The following ORC4 variants were observed in gnomAD, a reference collection of about 807,000 sequenced individuals.
ORC4 encodes origin recognition complex, subunit 4 homolog.
Under a neutral mutation model 63.9 loss-of-function variants are expected in ORC4, and 55 were observed. The ratio of observed to expected loss-of-function variants is 0.86; its 90% CI spans 0.69 to 1.08. The LOEUF is 1.08. Ranked by LOEUF, ORC4 falls within the 50% of genes least tolerant of loss-of-function variation. The probability of loss-of-function intolerance (pLI) is 0.00; values close to 1 mark genes in which losing one functional copy is unlikely to be tolerated. For missense variants in ORC4, 511 were observed against 504.4 expected, an observed-to-expected ratio of 1.01 and a Z score of -0.13; for synonymous variants, 150 against 168.5, an observed-to-expected ratio of 0.89 and a Z score of 0.85.
At chr2:148,019,055 T>C (rs1693496613) in intron 1 of ORC4, among the ~76,000 whole-genome samples, 1 of 152,076 alleles carries the variant, frequency 6.6e-6, no homozygotes, top group Non-Finnish European at 1.5e-5. Flanking sequence ...TGCTGGTATT[T>C]TTTTTTTTCA....
At chr2:147,952,643 A>G (rs969649091) in intron 7 of ORC4, 119 bp from the exon 8 acceptor site, 5 of 778,054 alleles carry the variant, frequency 6.4e-6, no homozygotes, top group African/African-American at 1.7e-5. Flanking sequence ...CTGATAGCCT[A>G]CTTTGGGTAG....
At chr2:147,938,257 T>C in intron 12 of ORC4, 41 bp downstream of exon 12, 1 of 1,589,562 alleles carries the variant, frequency 6.3e-7, no homozygotes, top group Middle Eastern at 1.7e-4. Context: ...AAATAAGCAG[T>C]GGGGAAGAGT....
chr2:147,956,496 C>T (rs534766240), intron 6 of ORC4, among the ~76,000 whole-genome samples: 1 of 152,088 alleles, frequency 6.6e-6, no homozygotes, highest in East Asian at 1.9e-4. Flanking sequence ...TTATATCAAA[C>T]CAGAAAAGCT....
At chr2:147,990,929 G>A (rs1007793761) in intron 1 of ORC4, among the ~76,000 whole-genome samples, 2 of 151,882 alleles carry the variant, frequency 1.3e-5, no homozygotes, top group African/African-American at 4.8e-5. Context: ...TCTAACCTCT[G>A]AATTTCAGTA....
intron 9 of ORC4, 29 bp downstream of exon 9, chr2:147,948,022 A>G (rs1320009882): frequency 1.3e-6 from 2 of 1,571,640 alleles, no homozygotes; most frequent in Non-Finnish European, 1.8e-6. Context: ...ATAGCAAGGA[A>G]CATTTAGCTT....
chr2:147,942,399 C>CA (rs1688413630), intron 10 of ORC4, among the ~76,000 whole-genome samples: 1 of 151,860 alleles, frequency 6.6e-6, no homozygotes, highest in African/African-American at 2.4e-5. Flanking sequence ...AATTACTTGG[C>CA]AAAACATCAT....
intron 1 of ORC4, among the ~76,000 whole-genome samples, chr2:148,013,163 C>G (rs1479835518): frequency 1.3e-5 from 2 of 151,982 alleles, no homozygotes; most frequent in Non-Finnish European, 2.9e-5. Context: ...TACACAATAG[C>G]CAGGATATGG....
At chr2:147,985,075 C>G (rs189619940) in intron 1 of ORC4, among the ~76,000 whole-genome samples, 1 of 152,302 alleles carries the variant, frequency 6.6e-6, no homozygotes, top group Admixed American at 6.5e-5. Flanking sequence ...TGATGCCTTC[C>G]TCAGATCCAA....
In ORC4 at chr2:147,952,492, T is replaced by C. The variant is rs1176003421; in HGVS notation, c.469A>G (p.Ile157Val). 1.2e-6 allele frequency: 2 copies of C among 1,611,624 alleles called. No homozygotes were observed. Among genetic ancestry groups the C allele is most frequent in the South Asian group, 1.1e-5 (1 of 91,022 alleles). Residue 157 changes from isoleucine to valine, a missense_variant, in exon 8 of 14, where the codon ATA (isoleucine) becomes GTA (valine). Ile to Val is a conservative substitution (Grantham distance 29). Coordinates refer to ENST00000392857, the MANE Select transcript of ORC4 (RefSeq NM_181741.4). ...DRTSSCPVIF[I>V]LDEFDLFAHH... Reference sequence around the variant, plus strand: ...GCAAAAAGATCAAATTCATCTAATATGAAGATCACTGGGCAACTGCTAGTT... The same window carrying C: ...GCAAAAAGATCAAATTCATCTAATACGAAGATCACTGGGCAACTGCTAGTT...
intron 1 of ORC4, among the ~76,000 whole-genome samples, chr2:148,000,984 A>G (rs1281158174): frequency 2.0e-5 from 3 of 152,120 alleles, no homozygotes; most frequent in Non-Finnish European, 4.4e-5. Flanking sequence ...AATGTTATTT[A>G]GAGATACAGA....
chr2:147,957,861 G>C (rs1282976524), intron 6 of ORC4, among the ~76,000 whole-genome samples: 1 of 151,448 alleles, frequency 6.6e-6, no homozygotes, highest in Non-Finnish European at 1.5e-5. Context: ...TCAAAGGGTT[G>C]TAAGGCATGA....
At chr2:147,959,165 G>T (rs1225279103) in intron 4 of ORC4, among the ~76,000 whole-genome samples, 2 of 151,942 alleles carry the variant, frequency 1.3e-5, no homozygotes, top group African/African-American at 4.8e-5. Flanking sequence ...CATTAAACAT[G>T]TGACATGGCC....
At chr2:147,963,082 C>T (rs1053603720) in intron 4 of ORC4, among the ~76,000 whole-genome samples, 11 of 152,266 alleles carry the variant, frequency 7.2e-5, no homozygotes, top group Admixed American at 5.9e-4. Context: ...ACCTCCCAAA[C>T]CTGACAAACA....
chr2:147,986,695 G>A (rs1158305911), intron 1 of ORC4, among the ~76,000 whole-genome samples: 1 of 151,918 alleles, frequency 6.6e-6, no homozygotes. Context: ...TGTGTGGAGT[G>A]TGTGTGTTGC....
intron 1 of ORC4, among the ~76,000 whole-genome samples, chr2:148,016,529 C>T (rs1258351929): frequency 6.6e-6 from 1 of 152,168 alleles, no homozygotes; most frequent in Non-Finnish European, 1.5e-5. Flanking sequence ...ACGAACTGGG[C>T]TACAAAGTTT....
intron 1 of ORC4, among the ~76,000 whole-genome samples, chr2:147,978,450 C>T (rs1690689127): frequency 6.6e-6 from 1 of 152,144 alleles, no homozygotes; most frequent in South Asian, 2.1e-4. Context: ...AGGAGCTGAG[C>T]TTCAGGGCTG....
intron 1 of ORC4, among the ~76,000 whole-genome samples, chr2:147,996,079 T>C (rs915626141): frequency 6.6e-6 from 1 of 151,662 alleles, no homozygotes; most frequent in African/African-American, 2.4e-5. Flanking sequence ...CAGAGGCTGG[T>C]GGACCATGAG....
intron 1 of ORC4, among the ~76,000 whole-genome samples, chr2:148,003,306 C>CA (rs1049631443): frequency 3.9e-5 from 6 of 151,990 alleles, no homozygotes; most frequent in Admixed American, 1.3e-4. Context: ...AGAGACACAA[C>CA]AAAAAAAGAA....
At position 147,976,709 on chromosome 2, in the gene ORC4, C is replaced by T. The variant is rs182909857; in HGVS notation, c.-17-734G>A. Among the ~76,000 whole-genome samples, 299 of 152,130 alleles carry T rather than the reference C, an allele frequency of 2.0e-3. 1 individual carries two copies. In the Middle Eastern group the frequency reaches 0.031, roughly 16 times the overall value. On this transcript the variant is annotated intron_variant, in intron 1 of 13. Transcript: ENST00000392857. ...TAATCATTACAGACTAGGTTAAATG[C>T]CTCTTCCTTAAACACTCATAAGTGC...
Sources: gnomAD v4.1 joint callset for allele counts (sites outside exome capture counted in the v4.1 genomes callset) on GRCh38, gnomAD v4.1.1 for gene constraint, MANE v1.5 for transcripts, NCBI Gene and HGNC (gene_info 2026-07-23, HGNC 2026-07-21) for gene names.